The following RBFOX1 variants were observed in gnomAD, a reference collection of about 807,000 sequenced individuals.
RBFOX1 encodes the protein RNA binding protein fox-1 homolog 1.
RBFOX1 carries 8 observed loss-of-function variants against 57.7 expected under a neutral mutation model. That is an observed-to-expected ratio of 0.14 (90% CI 0.08 to 0.25). The LOEUF (loss-of-function observed/expected upper bound fraction) is 0.25. RBFOX1 is among the 10% of genes least tolerant of loss of function. RBFOX1 has a pLI of 1.00. For synonymous variants in RBFOX1, 326 were observed against 222.4 expected (o/e 1.47, Z -4.15); for missense variants, 611 against 548.5 (o/e 1.11, Z -1.14).
intron 2 of RBFOX1, among the ~76,000 whole-genome samples, chr16:6,594,067 T>A (rs2097753478): frequency 6.6e-6 from 1 of 152,160 alleles, no homozygotes; most frequent in Non-Finnish European, 1.5e-5. Flanking sequence ...TTGAGGACAC[T>A]TGAGTTCATC....
At chr16:7,332,549 T>G (rs566045054) in intron 4 of RBFOX1, among the ~76,000 whole-genome samples, 19 of 152,272 alleles carry the variant, frequency 1.2e-4, no homozygotes, top group African/African-American at 4.1e-4. Context: ...ATTTCTCAGT[T>G]TATTTTTCCC....
At chr16:7,107,090 C>A (rs1226291911) in intron 4 of RBFOX1, among the ~76,000 whole-genome samples, 1 of 151,912 alleles carries the variant, frequency 6.6e-6, no homozygotes, top group Non-Finnish European at 1.5e-5. Context: ...GATATTTAAG[C>A]CTGTTTCGAA....
intron 3 of RBFOX1, among the ~76,000 whole-genome samples, chr16:6,832,458 C>T (rs999802529): frequency 6.6e-6 from 1 of 152,122 alleles, no homozygotes; most frequent in African/African-American, 2.4e-5. Flanking sequence ...TGCCAAAACC[C>T]AGCAGTGGTT....
intron 4 of RBFOX1, among the ~76,000 whole-genome samples, chr16:7,421,082 G>A (rs930809313): frequency 2.0e-5 from 3 of 151,876 alleles, no homozygotes; most frequent in East Asian, 1.9e-4. Context: ...GTCTTGTGGC[G>A]GTGTCATTTC....
At chr16:7,699,496 G>A (rs745825427) in intron 14 of RBFOX1, among the ~76,000 whole-genome samples, 1 of 152,116 alleles carries the variant, frequency 6.6e-6, no homozygotes, top group Non-Finnish European at 1.5e-5. Context: ...CCCAGCCAAC[G>A]TTTTTTGTTT....
chr16:7,562,934 C>T (rs894697844), intron 5 of RBFOX1, among the ~76,000 whole-genome samples: 5 of 152,170 alleles, frequency 3.3e-5, no homozygotes, highest in African/African-American at 9.7e-5. Context: ...GTTTTAACAA[C>T]CAAGTGCCCC....
intron 1 of RBFOX1, among the ~76,000 whole-genome samples, chr16:6,059,779 C>T (rs1233750701): frequency 6.6e-6 from 1 of 152,116 alleles, no homozygotes; most frequent in East Asian, 1.9e-4. Context: ...AGATAATGTA[C>T]ATTTCACAAC....
At chr16:5,924,416 T>G (rs551721746) in intron 4 of RBFOX1, among the ~76,000 whole-genome samples, 4 of 152,172 alleles carry the variant, frequency 2.6e-5, no homozygotes, top group Admixed American at 1.3e-4. Context: ...ATGAATAGAT[T>G]AATGTCCTCC....
At chr16:6,339,649 TTTTTATTTTATTTTATTTTA>T (rs150077063) in intron 2 of RBFOX1, among the ~76,000 whole-genome samples, 6 of 145,306 alleles carry the variant, frequency 4.1e-5, no homozygotes, top group East Asian at 2.0e-4. Flanking sequence ...ATTCCTTTAT[TTTTTATTTTATTTTATTTTA>T]TTTTATTTTA....
chr16:6,168,075 T>G (rs893052558), intron 1 of RBFOX1, among the ~76,000 whole-genome samples: 6 of 152,154 alleles, frequency 3.9e-5, no homozygotes, highest in Non-Finnish European at 7.3e-5. Flanking sequence ...GGGAGACATA[T>G]CTATTAAAGC....
intron 3 of RBFOX1, among the ~76,000 whole-genome samples, chr16:6,890,443 C>A (rs2065136900): frequency 6.6e-6 from 1 of 152,184 alleles, no homozygotes. Context: ...CACTTAAACC[C>A]AGATGGCAGA....
chr16:5,850,011 T>C (rs755977985), intron 3 of RBFOX1, among the ~76,000 whole-genome samples: 33 of 152,184 alleles, frequency 2.2e-4, no homozygotes, highest in Non-Finnish European at 4.3e-4. Flanking sequence ...TCCTTCTAAT[T>C]AATTTTTGAT....
At chr16:7,113,940 A>C (rs1213963242) in intron 4 of RBFOX1, among the ~76,000 whole-genome samples, 1 of 152,130 alleles carries the variant, frequency 6.6e-6, no homozygotes, top group Non-Finnish European at 1.5e-5. Context: ...TAGAAGTAGA[A>C]TACTTGAGCT....
At chr16:7,706,652 A>G (rs1850914148) in intron 14 of RBFOX1, among the ~76,000 whole-genome samples, 1 of 152,146 alleles carries the variant, frequency 6.6e-6, no homozygotes, top group African/African-American at 2.4e-5. Context: ...ATCACTTAAC[A>G]AACTCTCAAG....
At chr16:6,315,937 C>G (rs1359010081) in intron 1 of RBFOX1, among the ~76,000 whole-genome samples, 1 of 152,104 alleles carries the variant, frequency 6.6e-6, no homozygotes, top group Non-Finnish European at 1.5e-5. Flanking sequence ...ATCTGTATAT[C>G]TATATATCTA....
chr16:7,598,143 G>C (rs896061418), intron 9 of RBFOX1, among the ~76,000 whole-genome samples: 11 of 151,986 alleles, frequency 7.2e-5, no homozygotes, highest in Non-Finnish European at 4.4e-5. Flanking sequence ...AAGATATATG[G>C]GGAAGAAACC....
At chr16:7,653,733 G>C (rs1597371778) in intron 11 of RBFOX1, 82 bp from the exon 12 acceptor site, 1 of 1,582,924 alleles carries the variant, frequency 6.3e-7, no homozygotes, top group Non-Finnish European at 8.5e-7. Context: ...CAGGGACAAG[G>C]GTTCCCGGGG....
rs117338926 is a variant in RBFOX1, at chr16:6,875,527, A to G, written c.-15-176530A>G. Among the ~76,000 whole-genome samples the G allele has an allele frequency of 1.3e-4, 20 of 152,308 alleles. 1 individual carries two copies. The East Asian group carries it at 3.9e-3, about 29-fold the overall frequency. The stretch of plus-strand genomic sequence containing the variant: ...ACATCAATTCAGTGCTCTGGCAAAG[A>G]CTATGAATTATGTTTATGTCTGAAG... On this transcript the variant is annotated intron_variant, in intron 3 of 15. Transcript: ENST00000550418.
intron 4 of RBFOX1, among the ~76,000 whole-genome samples, chr16:5,910,942 C>A (rs1357002010): frequency 6.6e-6 from 1 of 152,250 alleles, no homozygotes; most frequent in East Asian, 1.9e-4. Context: ...TCCCTGTGTT[C>A]CCCAAAGGGA....
Sources: allele counts gnomAD v4.1 joint callset (sites outside exome capture counted in the v4.1 genomes callset), GRCh38; gene constraint gnomAD v4.1.1; transcripts MANE v1.5; gene names NCBI Gene and HGNC (gene_info 2026-07-23, HGNC 2026-07-21).